Variants in ANXA1 observed in about 807,000 individuals in gnomAD.
ANXA1 encodes annexin A1, also known as annexin I (lipocortin I).
A neutral mutation model predicts 47.9 loss-of-function variants in ANXA1; 39 were observed. The ratio of observed to expected loss-of-function variants is 0.81; its 90% CI spans 0.63 to 1.06. The LOEUF (loss-of-function observed/expected upper bound fraction) is 1.06. Ranked by LOEUF, ANXA1 falls within the 50% of genes least tolerant of loss-of-function variation. The probability of loss-of-function intolerance (pLI) is 0.00; values close to 1 mark genes in which losing one functional copy is unlikely to be tolerated. For missense variants in ANXA1, 446 were observed against 422.7 expected (o/e 1.06, Z -0.48); for synonymous variants, 146 against 142.5 (o/e 1.02, Z -0.17).
intron 10 of ANXA1, 136 bp downstream of exon 10, chr9:73,166,328 A>T (rs1228719877): frequency 3.2e-6 from 2 of 625,178 alleles, no homozygotes; most frequent in Non-Finnish European, 5.5e-6. Flanking sequence ...CATCTGTTTC[A>T]ATTGAAGCAA....
chr9:73,158,545 G>A lies in ANXA1; in HGVS notation c.10G>A (p.Val4Ile), dbSNP rs1824085432. 5.6e-6 allele frequency: 9 copies of A among 1,613,498 alleles called. No individual in the cohort carries two copies. Among genetic ancestry groups the A allele is most frequent in the African/African-American group, 1.3e-5 (1 of 74,898 alleles). The stretch of plus-strand genomic sequence containing the variant: ...AGACACTTTTTCAAAAATGGCAATG[G>A]TATCAGAATTCCTCAAGCAGGCCTG... MAMVSEFLKQAWFI... is the reference protein window; with the variant it reads MAMISEFLKQAWFI... Residue 4 changes from valine to isoleucine, a missense_variant, in exon 2 of 13, where the codon GTA becomes ATA. Transcript: ENST00000257497.
intron 1 of ANXA1, chr9:73,154,369 T>C: frequency 7.3e-7 from 1 of 1,364,616 alleles, no homozygotes; most frequent in Non-Finnish European, 9.8e-7. Flanking sequence ...ACACTGATCA[T>C]GTCATTTTCT....
Position 73,160,280 on chromosome 9 carries a change from G to T in ANXA1, c.288G>T (p.Leu96=). ...TTTTGTAGCCCCTGGATGAAACACT[G>T]AAGAAAGCCCTTACAGGTCACCTTG... The part of the protein sequence containing the change: ...QETGKPLDET[L]KKALTGHLEE... The change falls in exon 5 of 13, where the codon CTG becomes CTT. Residue 96 remains leucine, a synonymous_variant. Coordinates refer to ENST00000257497, the MANE Select transcript of ANXA1 (RefSeq NM_000700.3). The T allele has an allele frequency of 6.4e-7, 1 of 1,566,944 alleles. No individual in the cohort carries two copies. The highest frequency in any genetic ancestry group is 8.6e-7 in the Non-Finnish European group (1 of 1,165,162).
intron 7 of ANXA1, among the ~76,000 whole-genome samples, chr9:73,163,212 T>C (rs1824172760): frequency 6.6e-6 from 1 of 151,974 alleles, no homozygotes. Context: ...CATTAATCTC[T>C]TCATGAGAGA....
Position 73,159,344 on chromosome 9 carries a change from C to A in ANXA1, c.191C>A (p.Thr64Asn), listed in dbSNP as rs1438443996. 1.2e-6 allele frequency: 2 copies of A among 1,612,852 alleles called. No homozygotes were observed. The highest frequency in any genetic ancestry group is 1.3e-5 in the African/African-American group (1 of 74,828). ...AIMVKGVDEA[T>N]IIDILTKRNN... ...TTATTTCCAGGTGTGGATGAAGCAA[C>A]CATCATTGACATTCTAACTAAGCGA... is the stretch of plus-strand genomic sequence containing the variant. Residue 64 changes from threonine to asparagine, a missense_variant, in exon 4 of 13, where the codon ACC becomes AAC. Transcript: ENST00000257497.
chr9:73,167,642 A>C, intron 11 of ANXA1, 87 bp downstream of exon 11: 68 of 1,193,872 alleles, frequency 5.7e-5, no homozygotes, highest in Non-Finnish European at 7.3e-5. Flanking sequence ...TGAAAATCTC[A>C]CATTTAATAT....
At chr9:73,163,388 A>G (rs1563963213) in intron 7 of ANXA1, 88 bp from the exon 8 acceptor site, 2 of 1,326,616 alleles carry the variant, frequency 1.5e-6, no homozygotes, top group African/African-American at 1.5e-5. Context: ...TTCTCAAAAA[A>G]TATTATTTAT....
intron 10 of ANXA1, among the ~76,000 whole-genome samples, chr9:73,166,743 G>T (rs936340822): frequency 6.6e-6 from 1 of 152,108 alleles, no homozygotes; most frequent in African/African-American, 2.4e-5. Context: ...CCCCTGGAAA[G>T]CTTGTTAAAA....
chr9:73,160,024 C>T, intron 4 of ANXA1: 1 of 306,122 alleles, frequency 3.3e-6, no homozygotes, highest in East Asian at 5.7e-5. Flanking sequence ...GATTACTAAC[C>T]CTATGCTTTA....
At chr9:73,164,512 G>T (rs998170371) in intron 8 of ANXA1, among the ~76,000 whole-genome samples, 9 of 152,046 alleles carry the variant, frequency 5.9e-5, no homozygotes, top group African/African-American at 2.2e-4. Flanking sequence ...TATTTATGGA[G>T]GTTACATGGA....
chr9:73,154,071 A>C (rs1824009765), intron 1 of ANXA1: 1 of 318,178 alleles, frequency 3.1e-6, no homozygotes, highest in Non-Finnish European at 6.2e-6. Context: ...GAGGAGGAAC[A>C]AGCATTCCAG....
At chr9:73,160,633 A>G (rs1199321961) in intron 5 of ANXA1, among the ~76,000 whole-genome samples, 170 bp from the exon 6 acceptor site, 4 of 152,132 alleles carry the variant, frequency 2.6e-5, no homozygotes, top group Admixed American at 6.6e-5. Context: ...TTGATGATAA[A>G]CTTGTTTTGT....
chr9:73,159,470 A>T (rs1194116693), intron 4 of ANXA1, 47 bp downstream of exon 4: 2 of 1,524,132 alleles, frequency 1.3e-6, no homozygotes, highest in Non-Finnish European at 1.8e-6. Context: ...GCATAGTTAT[A>T]CTTAACCATG....
intron 6 of ANXA1, among the ~76,000 whole-genome samples, 154 bp downstream of exon 6, chr9:73,161,047 T>C (rs1273445742): frequency 6.6e-6 from 1 of 152,196 alleles, no homozygotes; most frequent in Non-Finnish European, 1.5e-5. Flanking sequence ...TATTAAATGC[T>C]GTTACCAGGC....
At chr9:73,155,426 A>G (rs892989523) in intron 1 of ANXA1, among the ~76,000 whole-genome samples, 2 of 152,198 alleles carry the variant, frequency 1.3e-5, no homozygotes, top group African/African-American at 4.8e-5. Flanking sequence ...GCAGGTTTTC[A>G]TGCAGAGTGT....
intron 1 of ANXA1, 43 bp from the exon 2 acceptor site, chr9:73,158,479 G>T: frequency 6.9e-7 from 1 of 1,444,846 alleles, no homozygotes; most frequent in South Asian, 1.1e-5. Flanking sequence ...GGTTGTGTGT[G>T]GTGCATTTGT....
intron 1 of ANXA1, chr9:73,157,883 A>G (rs955338636): frequency 6.6e-6 from 1 of 152,170 alleles, no homozygotes; most frequent in Admixed American, 6.6e-5. Flanking sequence ...AAAGAAACCC[A>G]TTAATGTTTT....
chr9:73,161,767 A>G (rs554304164), intron 6 of ANXA1, among the ~76,000 whole-genome samples: 130 of 152,268 alleles, frequency 8.5e-4, no homozygotes, highest in African/African-American at 3.0e-3. Context: ...TGTCAGTGGT[A>G]ATAATGATGA....
At chr9:73,163,438 C>T (rs758887797) in intron 7 of ANXA1, 38 bp from the exon 8 acceptor site, 1 of 1,590,040 alleles carries the variant, frequency 6.3e-7, no homozygotes, top group Non-Finnish European at 8.6e-7. Context: ...CAATTACATG[C>T]TAGAGAAGAG....
Sources: allele counts gnomAD v4.1 joint callset (sites outside exome capture counted in the v4.1 genomes callset), GRCh38; gene constraint gnomAD v4.1.1; transcripts MANE v1.5; gene names NCBI Gene and HGNC (gene_info 2026-07-23, HGNC 2026-07-21).